Variants in ZNF469 observed in about 807,000 individuals in gnomAD.
ZNF469 encodes zinc finger protein 469.
Under a neutral mutation model 1.0 loss-of-function variants are expected in ZNF469, and 1 was observed. The ratio of observed to expected loss-of-function variants is 1.00; its 90% CI spans 0.35 to 4.73. ZNF469 has a LOEUF of 4.73. Among genes scored for constraint, ZNF469 ranks in the 30% most tolerant of loss-of-function variants. The pLI, the probability that ZNF469 is intolerant of heterozygous loss-of-function variation, is 0.16. For synonymous variants in ZNF469, 2,703 were observed against 2,363.4 expected, an observed-to-expected ratio of 1.14 and a Z score of -4.17; for missense variants, 6,100 against 5,356.3, an observed-to-expected ratio of 1.14 and a Z score of -4.33.
At chr16:88,170,339 C>T in the ZNF469 span, among the ~76,000 whole-genome samples, 3 of 152,098 alleles carry the variant, frequency 2.0e-5, no homozygotes, top group Non-Finnish European at 4.4e-5. This position sits in a 1 kb window ranked among gnomAD's most constrained non-coding sequence, Gnocchi z 4.2. Context: ...CATACGCAAT[C>T]GATTATTCTG....
upstream of ZNF469, among the ~76,000 whole-genome samples, chr16:88,380,312 C>G (rs1340603264): frequency 7.2e-6 from 1 of 139,144 alleles, no homozygotes; most frequent in East Asian, 2.1e-4. Flanking sequence ...AAAACACAGA[C>G]ATGCACTCAC....
the ZNF469 span, among the ~76,000 whole-genome samples, chr16:88,366,747 A>G: frequency 1.3e-5 from 2 of 151,378 alleles, no homozygotes; most frequent in South Asian, 4.2e-4. Flanking sequence ...CATTATCATC[A>G]TCACTATCAC....
At chr16:88,190,324 G>C in the ZNF469 span, among the ~76,000 whole-genome samples, 1 of 152,360 alleles carries the variant, frequency 6.6e-6, no homozygotes, top group Middle Eastern at 3.4e-3. Flanking sequence ...CACTTGCCTG[G>C]GTAGTGGCTG....
chr16:88,202,983 GC>G, the ZNF469 span, among the ~76,000 whole-genome samples: 1 of 152,188 alleles, frequency 6.6e-6, no homozygotes, highest in Non-Finnish European at 1.5e-5. Flanking sequence ...AGTGCAGGCA[GC>G]CCCCACCGAA....
At position 88,431,590 on chromosome 16, in the gene ZNF469, C is replaced by G. The variant is rs1250179161; in HGVS notation, c.4120C>G (p.Gln1374Glu). The G allele has an allele frequency of 1.3e-6, 2 of 1,550,356 alleles. No homozygotes were observed. The highest frequency in any genetic ancestry group is 4.9e-5 in the East Asian group (2 of 40,938). ...GGTTCCAGTTGCCAAAAAGGGGCCT[C>G]AGCCCTACAGCAGCCCCCACAGTGA... is the stretch of plus-strand genomic sequence containing the variant. ...LGVPVAKKGP[Q>E]PYSSPHSELF... Residue 1374 changes from glutamine to glutamate, a missense_variant, in exon 3 of 3, where the codon CAG (glutamine) becomes GAG (glutamate). Gln to Glu is a conservative substitution (Grantham distance 29). Coordinates refer to ENST00000565624, the MANE Select transcript of ZNF469 (RefSeq NM_001367624.2).
At chr16:88,335,171 G>C in the ZNF469 span, among the ~76,000 whole-genome samples, 3 of 152,170 alleles carry the variant, frequency 2.0e-5, no homozygotes, top group African/African-American at 7.2e-5. Context: ...GTTGCCCTAA[G>C]CTGCTAGGTT....
chr16:88,346,454 A>AT, the ZNF469 span, among the ~76,000 whole-genome samples: 1 of 152,032 alleles, frequency 6.6e-6, no homozygotes, highest in Non-Finnish European at 1.5e-5. Flanking sequence ...TGCAGCTCCC[A>AT]TGCCACCTCA....
Position 88,434,368 on chromosome 16 carries a change from G to A in ZNF469, c.6898G>A (p.Gly2300Ser), listed in dbSNP as rs1196975320. ...TCCCACCGGAGATGAGGCACAGGCA[G>A]GCAGGGGACTCCCAGGGCCAGACCC... ...STPTGDEAQA[G>S]RGLPGPDPQS... Residue 2300 changes from glycine to serine, a missense_variant, in exon 3 of 3, where the codon GGC becomes AGC. Coordinates refer to ENST00000565624, the MANE Select transcript of ZNF469 (RefSeq NM_001367624.2). The A allele has an allele frequency of 4.5e-6, 7 of 1,550,094 alleles. No homozygotes were observed. The highest frequency in any genetic ancestry group is 6.1e-6 in the Non-Finnish European group (7 of 1,146,956).
At chr16:88,322,614 G>A in the ZNF469 span, among the ~76,000 whole-genome samples, 3 of 152,194 alleles carry the variant, frequency 2.0e-5, no homozygotes, top group East Asian at 1.9e-4. Context: ...CAGAGCAGGC[G>A]GCACCACCAC....
the ZNF469 span, among the ~76,000 whole-genome samples, chr16:88,186,104 G>A: frequency 6.6e-6 from 1 of 152,226 alleles, no homozygotes; most frequent in Non-Finnish European, 1.5e-5. Context: ...GGCCGACACC[G>A]GAGGCTGCTG....
chr16:88,375,616 C>T, the ZNF469 span, among the ~76,000 whole-genome samples: 3 of 152,250 alleles, frequency 2.0e-5, no homozygotes, highest in Non-Finnish European at 4.4e-5. Context: ...TCCTTCCAGC[C>T]GTTGAAGAAT....
chr16:88,253,540 G>A, the ZNF469 span, among the ~76,000 whole-genome samples: 2 of 150,788 alleles, frequency 1.3e-5, no homozygotes, highest in African/African-American at 2.4e-5. Context: ...TTTTGTTGTT[G>A]TTGTTTTTGT....
the ZNF469 span, among the ~76,000 whole-genome samples, chr16:88,376,295 A>G: frequency 6.6e-6 from 1 of 152,238 alleles, no homozygotes; most frequent in Non-Finnish European, 1.5e-5. Flanking sequence ...AGACATAATT[A>G]CAGGAAAAAA....
chr16:88,137,735 C>T, the ZNF469 span, among the ~76,000 whole-genome samples: 4 of 152,162 alleles, frequency 2.6e-5, no homozygotes, highest in Non-Finnish European at 4.4e-5. Flanking sequence ...GAAAGACAGC[C>T]AAGGGGTTAT....
chr16:88,190,210 A>C, the ZNF469 span, among the ~76,000 whole-genome samples: 61 of 152,298 alleles, frequency 4.0e-4, no homozygotes, highest in African/African-American at 1.4e-3. Flanking sequence ...TTCCTGGCCC[A>C]AAATGTTTTG....
chr16:88,304,138 A>C, the ZNF469 span, among the ~76,000 whole-genome samples: 1 of 152,288 alleles, frequency 6.6e-6, no homozygotes, highest in Non-Finnish European at 1.5e-5. Flanking sequence ...CAACCTTCAC[A>C]TAGGACCCCT....
At position 88,438,977 on chromosome 16, in the gene ZNF469, G is replaced by C. The variant is rs1237385387; in HGVS notation, c.11507G>C (p.Arg3836Thr). Reference sequence around the variant, plus strand: ...AGTGAAAGTGTGGGGAGCTTCGGGAGAGCCCCCTCAGCCCCTGACAAGCCC... The same window carrying C: ...AGTGAAAGTGTGGGGAGCTTCGGGACAGCCCCCTCAGCCCCTGACAAGCCC... Reference protein sequence around the residue: ...ARSESVGSFGRAPSAPDKPPR... With the variant: ...ARSESVGSFGTAPSAPDKPPR... Residue 3836 changes from arginine (R) to threonine (T), a missense_variant, in exon 3 of 3, where the codon AGA becomes ACA. Coordinates refer to ENST00000565624, the MANE Select transcript of ZNF469 (RefSeq NM_001367624.2). 13 of 1,550,348 alleles carry C rather than the reference G, an allele frequency of 8.4e-6. No homozygotes were observed. The Admixed American group carries it at 2.5e-4, about 30-fold the overall frequency.
chr16:88,140,429 A>G, the ZNF469 span, among the ~76,000 whole-genome samples: 1 of 141,690 alleles, frequency 7.1e-6, no homozygotes, highest in Non-Finnish European at 1.6e-5. Flanking sequence ...GGTAGCACGG[A>G]GGAAAGGAGG....
chr16:88,243,758 AATAG>A, the ZNF469 span, among the ~76,000 whole-genome samples: 12,396 of 146,148 alleles, frequency 0.085, 1,685 homozygotes, highest in African/African-American at 0.3. Flanking sequence ...AGGGTGGATG[AATAG>A]ATGGATGGAT....
Sources: allele counts gnomAD v4.1 joint callset (sites outside exome capture counted in the v4.1 genomes callset), GRCh38; gene constraint gnomAD v4.1.1; non-coding constraint Gnocchi (gnomAD v3.1); transcripts MANE v1.5; gene names NCBI Gene and HGNC (gene_info 2026-07-23, HGNC 2026-07-21).